Variants in ANKS1B observed in about 807,000 individuals in gnomAD.
The protein encoded by ANKS1B is ankyrin repeat and sterile alpha motif domain-containing protein 1B.
In ANKS1B, 36 loss-of-function variants were observed where a neutral mutation model predicts 148.3. That is an observed-to-expected ratio of 0.24 (90% CI 0.19 to 0.32). ANKS1B has a LOEUF of 0.32. ANKS1B is among the 10% of genes least tolerant of loss of function. The probability of loss-of-function intolerance (pLI) is 1.00; values close to 1 mark genes in which losing one functional copy is unlikely to be tolerated. For synonymous variants in ANKS1B, 542 were observed against 560.8 expected (o/e 0.97, Z 0.47); for missense variants, 1,157 against 1,542.6 (o/e 0.75, Z 4.19).
chr12:99,191,466 C>T (rs1464600372), intron 14 of ANKS1B, among the ~76,000 whole-genome samples: 2 of 152,262 alleles, frequency 1.3e-5, no homozygotes, highest in South Asian at 2.1e-4. Flanking sequence ...CAATGATAGA[C>T]TGGATAAAGA....
At chr12:99,739,996 A>C (rs1002816883) in intron 8 of ANKS1B, among the ~76,000 whole-genome samples, 4 of 152,178 alleles carry the variant, frequency 2.6e-5, no homozygotes, top group African/African-American at 9.7e-5. Context: ...GGATCCACTA[A>C]GAACATTACC....
At chr12:99,775,524 A>T (rs766795057) in intron 7 of ANKS1B, 24 bp downstream of exon 7, 2 of 1,516,278 alleles carry the variant, frequency 1.3e-6, no homozygotes, top group Non-Finnish European at 1.8e-6. Context: ...TATAGATTCC[A>T]GGGCTTTATA....
intron 17 of ANKS1B, among the ~76,000 whole-genome samples, chr12:98,956,964 T>G (rs1384459602): frequency 2.0e-5 from 3 of 152,204 alleles, no homozygotes; most frequent in Non-Finnish European, 2.9e-5. Context: ...TCAGCTTACA[T>G]CATTCCCTTG....
chr12:99,817,818 A>C (rs989184500), intron 2 of ANKS1B, among the ~76,000 whole-genome samples: 1 of 151,790 alleles, frequency 6.6e-6, no homozygotes, highest in African/African-American at 2.4e-5. Flanking sequence ...CTTTCGAGAA[A>C]TGTCTATAAT....
chr12:99,626,501 C>T (rs2098113998), intron 9 of ANKS1B, among the ~76,000 whole-genome samples: 1 of 151,986 alleles, frequency 6.6e-6, no homozygotes. Flanking sequence ...TTTTTCTTTC[C>T]CCATCTATCA....
At chr12:99,009,943 T>A (rs920527524) in intron 17 of ANKS1B, among the ~76,000 whole-genome samples, 9 of 152,196 alleles carry the variant, frequency 5.9e-5, no homozygotes, top group African/African-American at 1.4e-4. Context: ...CCACTTCAAT[T>A]AGAGCAAAGC....
chr12:99,798,542 GAGGAGT>G (rs968816646), intron 4 of ANKS1B, among the ~76,000 whole-genome samples: 1 of 151,868 alleles, frequency 6.6e-6, no homozygotes, highest in African/African-American at 2.4e-5. Flanking sequence ...ACCATATCTA[GAGGAGT>G]ATGTTCAATT....
intron 17 of ANKS1B, among the ~76,000 whole-genome samples, chr12:98,855,268 A>G (rs1229518382): frequency 6.6e-6 from 1 of 152,218 alleles, no homozygotes; most frequent in Non-Finnish European, 1.5e-5. Context: ...CAATTCTAAC[A>G]AAGGTACTCA....
intron 15 of ANKS1B, among the ~76,000 whole-genome samples, chr12:99,092,506 T>C (rs2054401404): frequency 6.7e-6 from 1 of 149,752 alleles, no homozygotes. Flanking sequence ...TTGGGTAGGC[T>C]GTACATAATC....
chr12:99,307,546 G>A lies in ANKS1B; in HGVS notation c.1757-60682C>T, dbSNP rs1029857574. On this transcript the variant is annotated intron_variant, in intron 12 of 26. Coordinates refer to ENST00000683438, the MANE Select transcript of ANKS1B (RefSeq NM_001352186.2). ...TGGACAAAGAAAAAGATTATAATAAGAGAAAGACACTTCCTTGTCATTTTA... is the reference window on the plus strand; with the variant it reads ...TGGACAAAGAAAAAGATTATAATAAAAGAAAGACACTTCCTTGTCATTTTA... Among the ~76,000 whole-genome samples, 7 of 152,148 alleles carry A rather than the reference G, an allele frequency of 4.6e-5. No individual in the cohort carries two copies. The South Asian group carries it at 6.2e-4, about 14-fold the overall frequency.
At chr12:99,057,631 G>C (rs1183182242) in intron 16 of ANKS1B, among the ~76,000 whole-genome samples, 1 of 152,144 alleles carries the variant, frequency 6.6e-6, no homozygotes, top group Admixed American at 6.5e-5. Context: ...TTAGAATTAT[G>C]CCCCTGTGCC....
chr12:98,965,010 A>G (rs1243074755), intron 17 of ANKS1B, among the ~76,000 whole-genome samples: 1 of 152,198 alleles, frequency 6.6e-6, no homozygotes, highest in Non-Finnish European at 1.5e-5. Flanking sequence ...GGTGATGCAT[A>G]CCCATTTGCC....
intron 9 of ANKS1B, among the ~76,000 whole-genome samples, chr12:99,541,832 C>T (rs1270571391): frequency 6.7e-6 from 1 of 149,440 alleles, no homozygotes; most frequent in Non-Finnish European, 1.5e-5. Flanking sequence ...TCCAGCCTGG[C>T]AACAGAGCGA....
chr12:99,047,261 G>T (rs1463388738), intron 17 of ANKS1B, among the ~76,000 whole-genome samples: 1 of 152,138 alleles, frequency 6.6e-6, no homozygotes, highest in East Asian at 1.9e-4. Flanking sequence ...TTAGCCAGAT[G>T]TGGTGTCGCA....
At chr12:99,762,455 T>C (rs1243287449) in intron 8 of ANKS1B, among the ~76,000 whole-genome samples, 1 of 152,086 alleles carries the variant, frequency 6.6e-6, no homozygotes, top group Non-Finnish European at 1.5e-5. Context: ...ATTCAATAAA[T>C]AGTGCTGGGA....
At chr12:99,056,387 C>G (rs1249950469) in intron 16 of ANKS1B, among the ~76,000 whole-genome samples, 1 of 152,202 alleles carries the variant, frequency 6.6e-6, no homozygotes, top group African/African-American at 2.4e-5. Context: ...ATGATCCCAT[C>G]TGTTCCTTTA....
At chr12:99,653,552 G>A (rs1337670615) in intron 9 of ANKS1B, among the ~76,000 whole-genome samples, 1 of 151,832 alleles carries the variant, frequency 6.6e-6, no homozygotes, top group African/African-American at 2.4e-5. Context: ...TGACACCCTA[G>A]AATATACACA....
rs192984846 is a variant in ANKS1B at position 99,766,845 on chromosome 12, A to G, written c.1128+6077T>C. ...TCCCAAGATTCTCTAAATCTGATGG[A>G]AATTGGGTAAGATAGCCACGAAGCT... On this transcript the variant is annotated intron_variant, in intron 8 of 26. Coordinates refer to ENST00000683438, the MANE Select transcript of ANKS1B (RefSeq NM_001352186.2). Among the ~76,000 whole-genome samples the G allele has an allele frequency of 2.0e-3, 304 of 152,240 alleles. 1 individual carries two copies. The highest frequency in any genetic ancestry group is 0.011 in the South Asian group (54 of 4,826).
At chr12:99,086,854 A>G (rs1313578914) in intron 15 of ANKS1B, among the ~76,000 whole-genome samples, 1 of 152,198 alleles carries the variant, frequency 6.6e-6, no homozygotes, top group Non-Finnish European at 1.5e-5. Context: ...AAGAATAGAA[A>G]TGACAGAATA....
Sources: allele counts gnomAD v4.1 joint callset (sites outside exome capture counted in the v4.1 genomes callset), GRCh38; gene constraint gnomAD v4.1.1; transcripts MANE v1.5; gene names NCBI Gene and HGNC (gene_info 2026-07-23, HGNC 2026-07-21).